PIGU: variants seen among roughly 807,000 people sequenced by gnomAD.
PIGU encodes the protein phosphatidylinositol glycan anchor biosynthesis class U.
PIGU carries 24 observed loss-of-function variants against 49.9 expected under a neutral mutation model. The ratio of observed to expected loss-of-function variants is 0.48; its 90% CI spans 0.35 to 0.68. The LOEUF (loss-of-function observed/expected upper bound fraction) is 0.68. Ranked by LOEUF, PIGU falls within the 30% of genes least tolerant of loss-of-function variation. The pLI, the probability that PIGU is intolerant of heterozygous loss-of-function variation, is 0.01. For synonymous variants in PIGU, 220 were observed against 205.7 expected (o/e 1.07, Z -0.59); for missense variants, 490 against 532.6 (o/e 0.92, Z 0.79).
chr20:34,575,012 C>A (rs956836377), intron 11 of PIGU, 92 bp downstream of exon 11: 3 of 1,521,188 alleles, frequency 2.0e-6, no homozygotes, highest in African/African-American at 1.4e-5. Context: ...GTCTGCACCC[C>A]CCGGTATGCA....
At chr20:34,646,482 C>G (rs963148642) in intron 2 of PIGU, among the ~76,000 whole-genome samples, 1 of 152,160 alleles carries the variant, frequency 6.6e-6, no homozygotes, top group Non-Finnish European at 1.5e-5. Context: ...GATCTTGGCT[C>G]AGAGCAACCT....
intron 1 of PIGU, among the ~76,000 whole-genome samples, chr20:34,663,233 G>C (rs1986982522): frequency 6.6e-6 from 1 of 152,114 alleles, no homozygotes; most frequent in Non-Finnish European, 1.5e-5. Context: ...ATGTGACTGA[G>C]TTACCTATTA....
At chr20:34,575,653 C>A (rs1329002086) in intron 10 of PIGU, among the ~76,000 whole-genome samples, 1 of 152,120 alleles carries the variant, frequency 6.6e-6, no homozygotes, top group Non-Finnish European at 1.5e-5. Flanking sequence ...GTGGGAACCC[C>A]AGCATGAACC....
chr20:34,607,261 C>A (rs531578073), intron 7 of PIGU, among the ~76,000 whole-genome samples: 1 of 152,276 alleles, frequency 6.6e-6, no homozygotes, highest in South Asian at 2.1e-4. Flanking sequence ...AGCCTGGACC[C>A]CTGACCTAAA....
At chr20:34,670,797 G>A (rs1987284631) in intron 1 of PIGU, among the ~76,000 whole-genome samples, 1 of 152,174 alleles carries the variant, frequency 6.6e-6, no homozygotes, top group Non-Finnish European at 1.5e-5. Context: ...GCCCACCTCA[G>A]CCTGCCAAAG....
intron 7 of PIGU, among the ~76,000 whole-genome samples, chr20:34,600,015 T>C (rs1259881828): frequency 1.3e-5 from 2 of 152,168 alleles, no homozygotes; most frequent in East Asian, 3.8e-4. Flanking sequence ...GCACTGACAA[T>C]ACAGACACAG....
intron 7 of PIGU, among the ~76,000 whole-genome samples, chr20:34,612,736 C>G (rs1366032320): frequency 6.6e-6 from 1 of 151,474 alleles, no homozygotes; most frequent in African/African-American, 2.4e-5. Context: ...AATGTTCCTG[C>G]CTCTGCCTCC....
intron 9 of PIGU, among the ~76,000 whole-genome samples, chr20:34,582,335 T>C (rs1175946325): frequency 1.3e-5 from 2 of 152,188 alleles, no homozygotes; most frequent in Non-Finnish European, 2.9e-5. Flanking sequence ...TAAAGTCCTT[T>C]TCCTGCATCC....
chr20:34,658,573 G>A (rs1470975970), intron 1 of PIGU, among the ~76,000 whole-genome samples: 3 of 146,388 alleles, frequency 2.0e-5, no homozygotes, highest in South Asian at 2.2e-4. Context: ...GCCGCCCATC[G>A]TCTGAGATGT....
intron 1 of PIGU, among the ~76,000 whole-genome samples, chr20:34,660,574 A>T (rs549364745): frequency 1.3e-5 from 2 of 152,184 alleles, no homozygotes; most frequent in Non-Finnish European, 2.9e-5. Flanking sequence ...AACAGAGTGA[A>T]ACTCCTTCTC....
chr20:34,619,318 T>A (rs1328940416), intron 6 of PIGU, among the ~76,000 whole-genome samples: 1 of 152,126 alleles, frequency 6.6e-6, no homozygotes, highest in African/African-American at 2.4e-5. Context: ...CAGAACCAGG[T>A]CACTCTGGGA....
At chr20:34,674,763 C>CA (rs1987440976) in intron 1 of PIGU, among the ~76,000 whole-genome samples, 3 of 151,522 alleles carry the variant, frequency 2.0e-5, no homozygotes, top group African/African-American at 2.4e-5. Flanking sequence ...CCCATCTCTA[C>CA]AAAAAATACA....
rs143715440 is a variant in PIGU, at chr20:34,628,632, C to T, written c.529+5983G>A. 8.1e-3 allele frequency among the ~76,000 whole-genome samples: 1,239 copies of T among 152,264 alleles called. 21 individuals carry two copies. Among genetic ancestry groups the T allele is most frequent in the African/African-American group, 0.029 (1,189 of 41,530 alleles). On this transcript the variant is annotated intron_variant, in intron 6 of 11. Transcript: ENST00000217446. The stretch of plus-strand genomic sequence containing the variant: ...TTGGGAGGCCAAGGCAGGCAGATCA[C>T]TTGAGGTCAGGAGTTCAAGACCAGC...
intron 11 of PIGU, among the ~76,000 whole-genome samples, chr20:34,571,166 G>T (rs1054928370): frequency 6.6e-6 from 1 of 152,118 alleles, no homozygotes; most frequent in Non-Finnish European, 1.5e-5. Flanking sequence ...TCCCTCCTTC[G>T]TTCTCTCACA....
intron 6 of PIGU, 38 bp downstream of exon 6, chr20:34,634,577 C>A (rs1239616441): frequency 1.3e-6 from 2 of 1,582,936 alleles, no homozygotes; most frequent in African/African-American, 1.4e-5. Flanking sequence ...TTGCATAAAT[C>A]AGGGACTGAC....
intron 11 of PIGU, among the ~76,000 whole-genome samples, chr20:34,568,096 T>C (rs1163084145): frequency 2.0e-5 from 3 of 152,200 alleles, no homozygotes; most frequent in Admixed American, 2.0e-4. Context: ...AATTAACATT[T>C]GCAAATAAAT....
chr20:34,623,647 T>C (rs1600637618), intron 6 of PIGU, among the ~76,000 whole-genome samples: 1 of 152,210 alleles, frequency 6.6e-6, no homozygotes, highest in Non-Finnish European at 1.5e-5. Context: ...TTGATCTCAA[T>C]CAAGCACCAT....
intron 7 of PIGU, among the ~76,000 whole-genome samples, chr20:34,609,322 T>C (rs752188411): frequency 7.2e-5 from 11 of 151,902 alleles, no homozygotes; most frequent in Non-Finnish European, 1.5e-4. Flanking sequence ...CAAAAAAGAA[T>C]ATTTCCTCTT....
Position 34,634,658 on chromosome 20 carries a change from G to C in PIGU, c.486C>G (p.Ile162Met). 1 of 1,613,240 alleles carries C rather than the reference G, an allele frequency of 6.2e-7. No individual in the cohort carries two copies. Among genetic ancestry groups the C allele is most frequent in the Non-Finnish European group, 8.5e-7 (1 of 1,179,380 alleles). ...TGAAGAAAGCAATGAGGGTGTTGTT[G>C]ATGGCACAGGTAGACTTGGCAACAC... ...LSCVAKSTCAINNTLIAFFIL... is the reference protein window; with the variant it reads ...LSCVAKSTCAMNNTLIAFFIL... The change falls in exon 6 of 12, where the codon ATC (isoleucine) becomes ATG (methionine). Residue 162 changes from isoleucine (I) to methionine (M), a missense_variant. Coordinates refer to ENST00000217446, the MANE Select transcript of PIGU (RefSeq NM_080476.5).
Sources: gnomAD v4.1 joint callset for allele counts (sites outside exome capture counted in the v4.1 genomes callset) on GRCh38, gnomAD v4.1.1 for gene constraint, MANE v1.5 for transcripts, NCBI Gene and HGNC (gene_info 2026-07-23, HGNC 2026-07-21) for gene names.